Variants in SLC24A2 observed in about 807,000 individuals in gnomAD.
SLC24A2 encodes sodium/potassium/calcium exchanger 2.
SLC24A2 carries 36 observed loss-of-function variants against 62.0 expected under a neutral mutation model. The ratio of observed to expected loss-of-function variants is 0.58; its 90% CI spans 0.44 to 0.77. SLC24A2 has a LOEUF of 0.77. Ranked by LOEUF, SLC24A2 falls within the 30% of genes least tolerant of loss-of-function variation. The probability of loss-of-function intolerance (pLI) is 0.00; values close to 1 mark genes in which losing one functional copy is unlikely to be tolerated. For synonymous variants in SLC24A2, 358 were observed against 294.0 expected (o/e 1.22, Z -2.23); for missense variants, 846 against 817.9 (o/e 1.03, Z -0.42).
chr9:19,566,932 G>A lies in SLC24A2; in HGVS notation c.1347+6419C>T, dbSNP rs551401182. Among the ~76,000 whole-genome samples, 348 of 151,778 alleles carry A rather than the reference G, an allele frequency of 2.3e-3. 2 individuals are homozygous for A. Among genetic ancestry groups the A allele is most frequent in the African/African-American group, 7.5e-3 (312 of 41,374 alleles). On this transcript the variant is annotated intron_variant, in intron 7 of 10. Transcript: ENST00000341998. ...CAATGAGAACACTTGGACACAGGACGGGGAACATCACACACCGGGGCCTGT... is the reference window on the plus strand; with the variant it reads ...CAATGAGAACACTTGGACACAGGACAGGGAACATCACACACCGGGGCCTGT...
the SLC24A2 span, among the ~76,000 whole-genome samples, chr9:19,931,120 A>C: frequency 6.6e-6 from 1 of 152,190 alleles, no homozygotes; most frequent in African/African-American, 2.4e-5. Flanking sequence ...AAAATTAAAA[A>C]CACTTAAGAA....
chr9:19,895,818 G>T, the SLC24A2 span: 1 of 1,600,918 alleles, frequency 6.2e-7, no homozygotes, highest in Admixed American at 1.7e-5. Context: ...GGTTGCAGCT[G>T]GTGTGGAAGG....
At chr9:20,202,896 A>G in the SLC24A2 span, among the ~76,000 whole-genome samples, 2 of 152,240 alleles carry the variant, frequency 1.3e-5, no homozygotes, top group Non-Finnish European at 2.9e-5. Context: ...TTTGAAGTTT[A>G]TATTCAAAAT....
intron 8 of SLC24A2, among the ~76,000 whole-genome samples, chr9:19,530,559 C>T (rs557397090): frequency 6.6e-6 from 1 of 152,246 alleles, no homozygotes; most frequent in East Asian, 1.9e-4. Flanking sequence ...GAACATATTT[C>T]TCATCTGAAA....
chr9:19,719,386 A>G (rs1820957299), intron 2 of SLC24A2, among the ~76,000 whole-genome samples: 1 of 152,144 alleles, frequency 6.6e-6, no homozygotes, highest in South Asian at 2.1e-4. Flanking sequence ...TCTGACCTAG[A>G]CTACTCCACA....
chr9:19,896,401 C>T, the SLC24A2 span, among the ~76,000 whole-genome samples: 3 of 152,196 alleles, frequency 2.0e-5, no homozygotes, highest in Non-Finnish European at 4.4e-5. Context: ...GTGTACAGTG[C>T]TTGAGCTTTG....
At chr9:20,284,489 A>C in the SLC24A2 span, among the ~76,000 whole-genome samples, 1 of 151,630 alleles carries the variant, frequency 6.6e-6, no homozygotes, top group South Asian at 2.1e-4. Flanking sequence ...GAGATGTCAT[A>C]GTTCAACCCC....
the SLC24A2 span, among the ~76,000 whole-genome samples, chr9:19,974,626 A>G: frequency 6.6e-6 from 1 of 152,164 alleles, no homozygotes; most frequent in Admixed American, 6.6e-5. Flanking sequence ...CATTGGAAAC[A>G]ATTTCAGAAC....
chr9:20,076,040 G>C, the SLC24A2 span, among the ~76,000 whole-genome samples: 2 of 152,112 alleles, frequency 1.3e-5, no homozygotes, highest in African/African-American at 4.8e-5. Flanking sequence ...CTATTGTTTA[G>C]GGAATAATAA....
At chr9:19,800,865 G>A in the SLC24A2 span, among the ~76,000 whole-genome samples, 1 of 152,164 alleles carries the variant, frequency 6.6e-6, no homozygotes, top group Non-Finnish European at 1.5e-5. Context: ...GAATTAATCT[G>A]TGTCTCTCTT....
the SLC24A2 span, among the ~76,000 whole-genome samples, chr9:19,987,488 A>G: frequency 6.6e-6 from 1 of 152,176 alleles, no homozygotes; most frequent in Admixed American, 6.5e-5. Flanking sequence ...AGGAACATAT[A>G]GCAAATCTAT....
chr9:19,872,098 A>G, the SLC24A2 span, among the ~76,000 whole-genome samples: 1 of 152,272 alleles, frequency 6.6e-6, no homozygotes, highest in Middle Eastern at 3.4e-3. Context: ...GTCAGGTCCA[A>G]TTGTGGAACC....
At chr9:20,117,011 C>A in the SLC24A2 span, among the ~76,000 whole-genome samples, 1 of 152,084 alleles carries the variant, frequency 6.6e-6, no homozygotes, top group African/African-American at 2.4e-5. Context: ...AGGAAATATA[C>A]CTCTACTACT....
At chr9:20,014,152 G>T in the SLC24A2 span, among the ~76,000 whole-genome samples, 1 of 152,148 alleles carries the variant, frequency 6.6e-6, no homozygotes, top group Non-Finnish European at 1.5e-5. Flanking sequence ...AGGCTGCAGT[G>T]AGCTATGATC....
At chr9:19,628,046 G>A (rs1179406177) in intron 2 of SLC24A2, among the ~76,000 whole-genome samples, 2 of 152,186 alleles carry the variant, frequency 1.3e-5, no homozygotes, top group Admixed American at 6.5e-5. Flanking sequence ...TATATGGAAT[G>A]TATTAATATC....
chr9:19,917,252 T>A, the SLC24A2 span, among the ~76,000 whole-genome samples: 2 of 151,504 alleles, frequency 1.3e-5, no homozygotes, highest in Non-Finnish European at 3.0e-5. Context: ...TTAGGAAATA[T>A]CTAATTTGAT....
chr9:20,146,572 T>C, the SLC24A2 span, among the ~76,000 whole-genome samples: 1 of 152,244 alleles, frequency 6.6e-6, no homozygotes, highest in Non-Finnish European at 1.5e-5. Context: ...GTAAACTCTC[T>C]GCCAGTCTGT....
chr9:20,281,304 A>T, the SLC24A2 span, among the ~76,000 whole-genome samples: 1 of 152,210 alleles, frequency 6.6e-6, no homozygotes, highest in Non-Finnish European at 1.5e-5. Flanking sequence ...AGGAAACTAT[A>T]AACTTTTTAT....
At chr9:20,147,004 ATTAT>A in the SLC24A2 span, among the ~76,000 whole-genome samples, 1 of 152,064 alleles carries the variant, frequency 6.6e-6, no homozygotes, top group Non-Finnish European at 1.5e-5. Context: ...ATAGTGTCCT[ATTAT>A]TTAAAGAATA....
Sources: gnomAD v4.1 joint callset for allele counts (sites outside exome capture counted in the v4.1 genomes callset) on GRCh38, gnomAD v4.1.1 for gene constraint, MANE v1.5 for transcripts, NCBI Gene and HGNC (gene_info 2026-07-23, HGNC 2026-07-21) for gene names.